The following ST3GAL6 variants were observed in gnomAD, a reference collection of about 807,000 sequenced individuals.
ST3GAL6 encodes ST3 beta-galactoside alpha-2,3-sialyltransferase 6.
ST3GAL6 carries 31 observed loss-of-function variants against 40.5 expected under a neutral mutation model. The observed-to-expected ratio is 0.77, with a 90% CI of 0.58 to 1.03. The LOEUF (loss-of-function observed/expected upper bound fraction) is 1.03, where lower values mean the gene tolerates loss of function less well. ST3GAL6 is among the 50% of genes least tolerant of loss of function. ST3GAL6 has a pLI of 0.00. For synonymous variants in ST3GAL6, 129 were observed against 136.9 expected (o/e 0.94, Z 0.40); for missense variants, 357 against 393.2 (o/e 0.91, Z 0.78).
chr3:98,768,301 G>T, intron 1 of ST3GAL6, 129 bp from the exon 2 acceptor site: 2 of 711,706 alleles, frequency 2.8e-6, no homozygotes, highest in South Asian at 1.6e-5. Flanking sequence ...AAAATTACAT[G>T]CCCACATCAT....
chr3:98,770,588 G>A, intron 2 of ST3GAL6: 1 of 274,742 alleles, frequency 3.6e-6, no homozygotes, highest in Non-Finnish European at 6.9e-6. Flanking sequence ...CTTCTACAAT[G>A]CAGTAATCCT....
intron 1 of ST3GAL6, among the ~76,000 whole-genome samples, chr3:98,739,885 A>G (rs987919725): frequency 6.6e-6 from 1 of 152,220 alleles, no homozygotes; most frequent in Non-Finnish European, 1.5e-5. Context: ...TTTCAACTAC[A>G]TTTTAGAACA....
intron 5 of ST3GAL6, chr3:98,782,576 T>G (rs1212541798): frequency 1.9e-6 from 1 of 527,626 alleles, no homozygotes; most frequent in Non-Finnish European, 3.5e-6. Flanking sequence ...CTGCCTCTCC[T>G]GCTTCCAGCA....
At chr3:98,777,385 A>G (rs1939657737) in intron 5 of ST3GAL6, among the ~76,000 whole-genome samples, 1 of 152,236 alleles carries the variant, frequency 6.6e-6, no homozygotes. Context: ...ATTACAAATC[A>G]GGGCTTTGCC....
In ST3GAL6 at chr3:98,766,405, C is replaced by CTTTTTTTTTTTTT. The variant is rs369996406; in HGVS notation, c.-11-2005_-11-1993dup. Among the ~76,000 whole-genome samples, 7 of 104,110 alleles carry CTTTTTTTTTTTTT rather than the reference C, an allele frequency of 6.7e-5. 1 individual carries two copies. The highest frequency in any genetic ancestry group is 2.0e-4 in the African/African-American group (5 of 24,422). 68.3% of individuals were successfully genotyped at this position (104,110 alleles called of 152,430 possible). A position where few individuals can be genotyped will look rare whatever the true frequency, so the allele number is the denominator to read the frequency against. On this transcript the variant is annotated intron_variant, in intron 1 of 9. Coordinates refer to ENST00000483910, the MANE Select transcript of ST3GAL6 (RefSeq NM_001323368.2). ...GTTGGATCTTTGCATAAATGTCATT[C>CTTTTTTTTTTTTT]TTTTTTTTTTTTTTTTTTTTTTTTT...
At chr3:98,790,186 A>G (rs1346529059) in intron 8 of ST3GAL6, among the ~76,000 whole-genome samples, 1 of 137,820 alleles carries the variant, frequency 7.3e-6, no homozygotes, top group Non-Finnish European at 1.6e-5. Flanking sequence ...AGCGTGTTTT[A>G]TTTTTGGTCT....
At chr3:98,777,555 T>C (rs1939673609) in intron 5 of ST3GAL6, among the ~76,000 whole-genome samples, 1 of 152,214 alleles carries the variant, frequency 6.6e-6, no homozygotes, top group Non-Finnish European at 1.5e-5. Flanking sequence ...TGCTCACCTT[T>C]AAAAGCAAAC....
intron 5 of ST3GAL6, among the ~76,000 whole-genome samples, chr3:98,778,205 G>A (rs151070306): frequency 2.6e-5 from 4 of 152,310 alleles, no homozygotes; most frequent in African/African-American, 9.6e-5. Context: ...CCTGTGTCAA[G>A]TCAGTTGCCT....
At chr3:98,737,481 G>A (rs1268156274) in intron 1 of ST3GAL6, among the ~76,000 whole-genome samples, 2 of 152,098 alleles carry the variant, frequency 1.3e-5, no homozygotes, top group African/African-American at 4.8e-5. Flanking sequence ...CTAGGGCAGA[G>A]CACAGGAATA....
intron 1 of ST3GAL6, among the ~76,000 whole-genome samples, chr3:98,740,680 A>G (rs1307518729): frequency 6.6e-6 from 1 of 152,242 alleles, no homozygotes; most frequent in East Asian, 1.9e-4. Flanking sequence ...AGTAATTGTG[A>G]TAATGAAAAA....
At chr3:98,732,916 A>C in intron 1 of ST3GAL6, 1 of 1,507,088 alleles carries the variant, frequency 6.6e-7, no homozygotes, top group Non-Finnish European at 8.8e-7. Flanking sequence ...GCGGCCCCTC[A>C]GGTCTCGGAG....
At chr3:98,756,451 C>T (rs1332514913) in intron 1 of ST3GAL6, 1 of 1,289,752 alleles carries the variant, frequency 7.8e-7, no homozygotes, top group Admixed American at 2.3e-5. Flanking sequence ...CAGGCAGCGT[C>T]CTGAGTCTTT....
intron 3 of ST3GAL6, 145 bp downstream of exon 3, chr3:98,771,101 G>T: frequency 6.6e-7 from 1 of 1,514,420 alleles, no homozygotes; most frequent in Non-Finnish European, 8.8e-7. Flanking sequence ...TGAATATCCT[G>T]TCTCTTTTTG....
At chr3:98,769,073 T>A (rs942527752) in intron 2 of ST3GAL6, among the ~76,000 whole-genome samples, 12 of 152,192 alleles carry the variant, frequency 7.9e-5, no homozygotes, top group African/African-American at 2.9e-4. Context: ...GTCCTTTGGC[T>A]AGGAAAAAAG....
chr3:98,744,462 C>T (rs1936382057), intron 1 of ST3GAL6, among the ~76,000 whole-genome samples: 1 of 152,210 alleles, frequency 6.6e-6, no homozygotes, highest in Non-Finnish European at 1.5e-5. Flanking sequence ...CAAAAACTGC[C>T]TCTCTTGCTT....
At chr3:98,753,663 C>T (rs1268618206) in intron 1 of ST3GAL6, among the ~76,000 whole-genome samples, 1 of 152,178 alleles carries the variant, frequency 6.6e-6, no homozygotes, top group African/African-American at 2.4e-5. Flanking sequence ...TCCTACAACC[C>T]TTACAAATTA....
Position 98,768,447 on chromosome 3 carries a change from G to C in ST3GAL6, c.7G>C (p.Gly3Arg). The C allele has an allele frequency of 6.2e-7, 1 of 1,613,662 alleles. No homozygotes were observed. The highest frequency in any genetic ancestry group is 8.5e-7 in the Non-Finnish European group (1 of 1,179,658). ...TGTTTCAGGTGAGCCAGCCATGAGA[G>C]GGTATCTTGTGGCCATATTCCTGAG... MR[G>R]YLVAIFLSAV... The change falls in exon 2 of 10, where the codon GGG becomes CGG. Residue 3 changes from glycine (G) to arginine (R), a missense_variant. Physicochemically the swap from Gly to Arg is moderately radical, Grantham distance 125. Coordinates refer to ENST00000483910, the MANE Select transcript of ST3GAL6 (RefSeq NM_001323368.2).
intron 5 of ST3GAL6, among the ~76,000 whole-genome samples, chr3:98,779,365 A>G (rs1939853887): frequency 6.6e-6 from 1 of 152,236 alleles, no homozygotes; most frequent in African/African-American, 2.4e-5. Flanking sequence ...TTATAGGCTT[A>G]GGAAAGCAGG....
chr3:98,759,375 A>G (rs1937581136), upstream of ST3GAL6, among the ~76,000 whole-genome samples: 1 of 152,192 alleles, frequency 6.6e-6, no homozygotes, highest in African/African-American at 2.4e-5. Context: ...CCAAGGGGAG[A>G]TTCTGGAACT....
Sources: allele counts gnomAD v4.1 joint callset (sites outside exome capture counted in the v4.1 genomes callset), GRCh38; gene constraint gnomAD v4.1.1; transcripts MANE v1.5; gene names NCBI Gene and HGNC (gene_info 2026-07-23, HGNC 2026-07-21).